Variants in EIF4G3 observed in about 807,000 individuals in gnomAD.
EIF4G3 encodes the protein eukaryotic translation initiation factor 4 gamma 3.
A neutral mutation model predicts 186.4 loss-of-function variants in EIF4G3; 34 were observed. The observed-to-expected ratio is 0.18, with a 90% CI of 0.14 to 0.24. The LOEUF is 0.24. Among genes scored for constraint, EIF4G3 ranks in the 10% least tolerant of loss-of-function variants. EIF4G3 has a pLI of 1.00. For synonymous variants in EIF4G3, 673 were observed against 679.5 expected, an observed-to-expected ratio of 0.99 and a Z score of 0.15; for missense variants, 1,536 against 1,948.5, an observed-to-expected ratio of 0.79 and a Z score of 3.99.
intron 30 of EIF4G3, among the ~76,000 whole-genome samples, chr1:20,839,888 T>C (rs571937451): frequency 2.9e-4 from 41 of 142,622 alleles, no homozygotes; most frequent in African/African-American, 1.0e-3. Context: ...GTGCATTTAA[T>C]TTATGAGAAC....
At chr1:20,945,698 C>CAAGCAATCCTCCTGCCTCGT (rs1032341055) in intron 13 of EIF4G3, among the ~76,000 whole-genome samples, 1 of 152,134 alleles carries the variant, frequency 6.6e-6, no homozygotes, top group African/African-American at 2.4e-5. Flanking sequence ...TTCTTGAGCT[C>CAAGCAATCCTCCTGCCTCGT]AAGCAATCCT....
At chr1:20,961,515 T>A (rs1455542056) in intron 12 of EIF4G3, among the ~76,000 whole-genome samples, 25 of 152,236 alleles carry the variant, frequency 1.6e-4, no homozygotes, top group Admixed American at 1.6e-3. Context: ...AGCATTTGAA[T>A]TCTTCTCTGC....
chr1:21,130,185 A>G (rs2097126910), intron 2 of EIF4G3, among the ~76,000 whole-genome samples: 1 of 146,360 alleles, frequency 6.8e-6, no homozygotes, highest in Non-Finnish European at 1.5e-5. Flanking sequence ...AGAGTTGAAG[A>G]CCAGACTGGG....
At chr1:20,915,674 T>C (rs1353111900) in intron 14 of EIF4G3, among the ~76,000 whole-genome samples, 1 of 152,200 alleles carries the variant, frequency 6.6e-6, no homozygotes, top group Non-Finnish European at 1.5e-5. Flanking sequence ...CCAATTTATA[T>C]TCTTGACTAA....
intron 2 of EIF4G3, among the ~76,000 whole-genome samples, chr1:21,118,801 A>C (rs1178039046): frequency 1.3e-5 from 2 of 151,052 alleles, no homozygotes; most frequent in Admixed American, 1.3e-4. Flanking sequence ...AAAAAAAAAA[A>C]GAAACAGAAA....
At chr1:21,170,008 C>T (rs1345988191) in intron 2 of EIF4G3, among the ~76,000 whole-genome samples, 1 of 151,962 alleles carries the variant, frequency 6.6e-6, no homozygotes, top group Non-Finnish European at 1.5e-5. Flanking sequence ...AACCCCGCCT[C>T]TACTAAAAAT....
chr1:20,988,102 G>C (rs1420285647), intron 7 of EIF4G3, among the ~76,000 whole-genome samples: 1 of 152,210 alleles, frequency 6.6e-6, no homozygotes, highest in Non-Finnish European at 1.5e-5. Flanking sequence ...TTTCAATTCT[G>C]TGAAGGCTGA....
At chr1:20,812,394 T>C (rs2059420403) in intron 35 of EIF4G3, among the ~76,000 whole-genome samples, 1 of 152,258 alleles carries the variant, frequency 6.6e-6, no homozygotes, top group Non-Finnish European at 1.5e-5. Flanking sequence ...CTTTGTTATT[T>C]ATCTCATTAA....
intron 14 of EIF4G3, among the ~76,000 whole-genome samples, chr1:20,918,895 C>G (rs187946613): frequency 1.3e-5 from 2 of 152,032 alleles, no homozygotes; most frequent in Admixed American, 1.3e-4. Context: ...TTTGGTTCCA[C>G]AAAGGTTACT....
intron 20 of EIF4G3, among the ~76,000 whole-genome samples, chr1:20,875,597 T>A (rs1309633227): frequency 6.6e-6 from 1 of 152,130 alleles, no homozygotes; most frequent in Non-Finnish European, 1.5e-5. Context: ...AATAAAAAAG[T>A]TTAAAACATT....
At chr1:20,872,364 G>A (rs2079457604) in intron 20 of EIF4G3, among the ~76,000 whole-genome samples, 1 of 151,840 alleles carries the variant, frequency 6.6e-6, no homozygotes, top group African/African-American at 2.4e-5. Context: ...AGGCTCAAGT[G>A]ATCCTTCCAT....
At chr1:20,813,768 C>A (rs1412345875) in intron 34 of EIF4G3, among the ~76,000 whole-genome samples, 1 of 151,222 alleles carries the variant, frequency 6.6e-6, no homozygotes, top group Non-Finnish European at 1.5e-5. Context: ...ATCGTTTGAA[C>A]CTGGGAGGTG....
rs951269752 is a variant in EIF4G3 at position 20,982,267 on chromosome 1, GA to G, written c.198+120del. 24 of 745,384 alleles carry G rather than the reference GA, an allele frequency of 3.2e-5. No homozygotes were observed. The East Asian group carries it at 7.6e-4, about 24-fold the overall frequency. 46.2% of individuals were successfully genotyped at this position (745,384 alleles called of 1,614,324 possible). A position where few individuals can be genotyped will look rare whatever the true frequency, so the allele number is the denominator to read the frequency against. The stretch of plus-strand genomic sequence containing the variant: ...TTTTCACTGCAAGATTAAAAGCCTT[GA>G]AACAATATACCAATAGTAAATTTCC... On this transcript the variant is annotated intron_variant, in intron 8 of 36. Transcript: ENST00000602326.
In EIF4G3 at chr1:20,980,377, A is replaced by C; in HGVS notation, c.450T>G (p.Pro150=). ...CCCCAGGTCCTGGTCCAGGATAAAA[A>C]GGACCTGGCCCCGGTGGTTGAACTG... ...QYPVQPPGPG[P]FYPGPGPGDF... is the part of the protein sequence containing the mutation. The change falls in exon 10 of 37, where the codon CCT becomes CCG. Residue 150 remains proline (P), a synonymous_variant. Coordinates refer to ENST00000602326, the MANE Select transcript of EIF4G3 (RefSeq NM_001391906.1). The C allele has an allele frequency of 6.5e-7, 1 of 1,549,804 alleles. No homozygotes were observed. Among genetic ancestry groups the C allele is most frequent in the East Asian group, 2.5e-5 (1 of 40,286 alleles).
Position 20,941,268 on chromosome 1 carries a change from AT to A in EIF4G3, c.1663+222del, listed in dbSNP as rs754734935. On this transcript the variant is annotated intron_variant, in intron 14 of 36. Coordinates refer to ENST00000602326, the MANE Select transcript of EIF4G3 (RefSeq NM_001391906.1). ...GTTTCGTGACATATACCTTGGAGGC[AT>A]TTTGTATATTTGGAAATTCTCATTT... is the stretch of plus-strand genomic sequence containing the variant. The A allele has an allele frequency of 4.5e-6, 7 of 1,550,136 alleles. No individual in the cohort carries two copies. The South Asian group carries it at 8.4e-5, about 19-fold the overall frequency.
chr1:20,892,378 C>T (rs1017298932), intron 18 of EIF4G3, among the ~76,000 whole-genome samples: 3 of 152,236 alleles, frequency 2.0e-5, no homozygotes, highest in Admixed American at 2.0e-4. Flanking sequence ...TAGGCAGAGC[C>T]TGCCGAATCC....
chr1:21,143,294 A>C (rs999164652), intron 2 of EIF4G3, among the ~76,000 whole-genome samples: 2 of 151,270 alleles, frequency 1.3e-5, no homozygotes, highest in African/African-American at 4.9e-5. Flanking sequence ...GGGAGAGAGA[A>C]AGAGAGACAA....
At chr1:20,836,127 AC>A (rs2066688431) in intron 30 of EIF4G3, among the ~76,000 whole-genome samples, 1 of 152,150 alleles carries the variant, frequency 6.6e-6, no homozygotes, top group East Asian at 1.9e-4. Flanking sequence ...AGCTATAGGC[AC>A]CCACCACCAT....
At chr1:20,858,725 G>A (rs185143002) in intron 24 of EIF4G3, among the ~76,000 whole-genome samples, 4 of 152,268 alleles carry the variant, frequency 2.6e-5, no homozygotes, top group Non-Finnish European at 4.4e-5. Flanking sequence ...GGCCGTGTGC[G>A]GTGGCTCACG....
Sources: gnomAD v4.1 joint callset for allele counts (sites outside exome capture counted in the v4.1 genomes callset) on GRCh38, gnomAD v4.1.1 for gene constraint, MANE v1.5 for transcripts, NCBI Gene and HGNC (gene_info 2026-07-23, HGNC 2026-07-21) for gene names.